The following CPQ variants were observed in gnomAD, a reference collection of about 807,000 sequenced individuals.
The protein encoded by CPQ is carboxypeptidase Q.
CPQ carries 37 observed loss-of-function variants against 45.7 expected under a neutral mutation model. The observed-to-expected ratio is 0.81, with a 90% CI of 0.62 to 1.07. The LOEUF is 1.07. Ranked by LOEUF, CPQ falls within the 50% of genes least tolerant of loss-of-function variation. The pLI is 0.00. For synonymous variants in CPQ, 186 were observed against 205.8 expected (o/e 0.90, Z 0.82); for missense variants, 537 against 572.9 (o/e 0.94, Z 0.64).
In CPQ at chr8:96,891,145, G is replaced by C. The variant is rs537784952; in HGVS notation, c.849+11140G>C. ...ACATTGCCACACTTTTTTAGCCATAGAGTGAGTGTCTTGGTCAGAGGCAAT... is the reference window on the plus strand; with the variant it reads ...ACATTGCCACACTTTTTTAGCCATACAGTGAGTGTCTTGGTCAGAGGCAAT... On this transcript the variant is annotated intron_variant, in intron 4 of 7. Coordinates refer to ENST00000220763, the MANE Select transcript of CPQ (RefSeq NM_016134.4). Among the ~76,000 whole-genome samples, 13 of 152,346 alleles carry C rather than the reference G, an allele frequency of 8.5e-5. No individual in the cohort carries two copies. The South Asian group carries it at 2.7e-3, about 32-fold the overall frequency.
intron 5 of CPQ, among the ~76,000 whole-genome samples, chr8:96,978,704 T>C (rs1371730958): frequency 6.6e-6 from 1 of 152,108 alleles, no homozygotes; most frequent in Non-Finnish European, 1.5e-5. Context: ...GCTTAAGAAA[T>C]TGGTATCATT....
At chr8:96,676,724 A>G (rs934008997) in intron 1 of CPQ, among the ~76,000 whole-genome samples, 7 of 152,072 alleles carry the variant, frequency 4.6e-5, no homozygotes, top group Admixed American at 2.6e-4. Flanking sequence ...GTGTTTGGCT[A>G]CATGGATAGG....
chr8:96,723,818 A>G (rs768277286), intron 1 of CPQ, among the ~76,000 whole-genome samples: 29 of 152,178 alleles, frequency 1.9e-4, no homozygotes, highest in Non-Finnish European at 3.7e-4. Flanking sequence ...GGCATCTCAA[A>G]CAAAACTAAC....
chr8:96,852,561 T>C (rs1811785778), intron 3 of CPQ, among the ~76,000 whole-genome samples: 1 of 152,200 alleles, frequency 6.6e-6, no homozygotes, highest in Non-Finnish European at 1.5e-5. Context: ...TCTTCCTTGC[T>C]CCTGCTTATT....
chr8:96,882,927 C>T (rs1812247691), intron 4 of CPQ, among the ~76,000 whole-genome samples: 2 of 152,064 alleles, frequency 1.3e-5, no homozygotes, highest in Admixed American at 6.5e-5. Flanking sequence ...CTTTGTAGTC[C>T]ATCTCCGACT....
chr8:97,136,479 CCTG>C (rs1812061163), intron 7 of CPQ, among the ~76,000 whole-genome samples: 1 of 152,118 alleles, frequency 6.6e-6, no homozygotes, highest in South Asian at 2.1e-4. Flanking sequence ...TATCATTAGC[CCTG>C]TTTGCTGATT....
At chr8:96,715,443 G>T (rs1017203422) in intron 1 of CPQ, among the ~76,000 whole-genome samples, 3 of 152,190 alleles carry the variant, frequency 2.0e-5, no homozygotes, top group Non-Finnish European at 2.9e-5. Flanking sequence ...CCTTGTGCAA[G>T]CCTGAACCTG....
intron 5 of CPQ, among the ~76,000 whole-genome samples, chr8:96,971,829 TAGA>T (rs1813684660): frequency 6.6e-6 from 1 of 152,180 alleles, no homozygotes; most frequent in Non-Finnish European, 1.5e-5. Context: ...CCTAAACCAG[TAGA>T]AGAATTAGAA....
chr8:96,698,965 C>T (rs1809421872), intron 1 of CPQ, among the ~76,000 whole-genome samples: 1 of 152,172 alleles, frequency 6.6e-6, no homozygotes, highest in Admixed American at 6.5e-5. Context: ...TAAGATCCAG[C>T]AATCCCACTG....
At chr8:97,000,342 A>C (rs1325101471) in intron 5 of CPQ, among the ~76,000 whole-genome samples, 1 of 152,040 alleles carries the variant, frequency 6.6e-6, no homozygotes, top group Non-Finnish European at 1.5e-5. Flanking sequence ...AGTATTGCCC[A>C]GGTTGTCTTC....
rs554185395 is a variant in CPQ, at chr8:96,803,713, G to A, written c.433+18383G>A. ...TGTAGTCACTGATCCCACCCATGTA[G>A]CATTTCTTATTTTCTTCAGTTAAAT... On this transcript the variant is annotated intron_variant, in intron 2 of 7. Transcript: ENST00000220763. Among the ~76,000 whole-genome samples the A allele has an allele frequency of 4.6e-5, 7 of 152,250 alleles. No homozygotes were observed. In the South Asian group the frequency reaches 1.2e-3, roughly 27 times the overall value.
At chr8:96,705,861 T>C (rs145104879) in intron 1 of CPQ, among the ~76,000 whole-genome samples, 352 of 152,316 alleles carry the variant, frequency 2.3e-3, no homozygotes, top group Admixed American at 3.7e-3. Flanking sequence ...ATTTTTCCAT[T>C]ATGAAATACA....
intron 2 of CPQ, among the ~76,000 whole-genome samples, chr8:96,825,322 G>C (rs1273443909): frequency 6.6e-6 from 1 of 152,026 alleles, no homozygotes; most frequent in Non-Finnish European, 1.5e-5. Context: ...GTATAGGAGA[G>C]CCTGCAGATG....
At chr8:96,841,823 G>A (rs1435390202) in intron 3 of CPQ, among the ~76,000 whole-genome samples, 1 of 152,176 alleles carries the variant, frequency 6.6e-6, no homozygotes, top group African/African-American at 2.4e-5. Context: ...TGATGTTTAT[G>A]GAGTGTCAGA....
At chr8:96,700,996 G>A (rs1809451593) in intron 1 of CPQ, among the ~76,000 whole-genome samples, 1 of 152,212 alleles carries the variant, frequency 6.6e-6, no homozygotes, top group South Asian at 2.1e-4. Context: ...AATATTCCCA[G>A]ATGTTACTAA....
intron 7 of CPQ, among the ~76,000 whole-genome samples, chr8:97,136,876 G>A (rs1812069310): frequency 6.6e-6 from 1 of 152,194 alleles, no homozygotes; most frequent in Admixed American, 6.5e-5. Context: ...CCTGGGGATA[G>A]TTAACATTCC....
intron 4 of CPQ, among the ~76,000 whole-genome samples, chr8:96,886,214 T>C (rs1269850685): frequency 6.6e-6 from 1 of 152,160 alleles, no homozygotes; most frequent in Admixed American, 6.5e-5. Context: ...TGTGCATGAG[T>C]GCACTTCACT....
chr8:97,044,876 A>T lies in CPQ; in HGVS notation c.1053+15382A>T, dbSNP rs12678346. ...TCTCAGAGGAGTACCCGGCTGTGTG[A>T]GGTGTCAGTCTGCCCCTACTGGGGG... is the stretch of plus-strand genomic sequence containing the variant. On this transcript the variant is annotated intron_variant, in intron 6 of 7. Transcript: ENST00000220763. Among the ~76,000 whole-genome samples, 41 of 152,200 alleles carry T rather than the reference A, an allele frequency of 2.7e-4. No homozygotes were observed. In the East Asian group the frequency reaches 3.7e-3, roughly 14 times the overall value.
At chr8:97,054,687 CAT>C (rs1563567500) in intron 6 of CPQ, among the ~76,000 whole-genome samples, 1 of 152,178 alleles carries the variant, frequency 6.6e-6, no homozygotes, top group Non-Finnish European at 1.5e-5. Context: ...CCAAATACCA[CAT>C]GTCCTCACTT....
Sources: allele counts gnomAD v4.1 joint callset (sites outside exome capture counted in the v4.1 genomes callset), GRCh38; gene constraint gnomAD v4.1.1; transcripts MANE v1.5; gene names NCBI Gene and HGNC (gene_info 2026-07-23, HGNC 2026-07-21).